The following OXNAD1 variants were observed in gnomAD, a reference collection of about 807,000 sequenced individuals.
OXNAD1 encodes oxidoreductase NAD binding domain containing 1.
In OXNAD1, 34 loss-of-function variants were observed where a neutral mutation model predicts 32.9. The ratio of observed to expected loss-of-function variants is 1.03; its 90% CI spans 0.79 to 1.38. The LOEUF (loss-of-function observed/expected upper bound fraction) is 1.38, where lower values mean the gene tolerates loss of function less well. Ranked by LOEUF, OXNAD1 falls within the 40% of genes most tolerant of loss-of-function variation. OXNAD1 has a pLI of 0.00. For synonymous variants in OXNAD1, 134 were observed against 135.2 expected, an observed-to-expected ratio of 0.99 and a Z score of 0.06; for missense variants, 407 against 379.4, an observed-to-expected ratio of 1.07 and a Z score of -0.60.
chr3:16,270,594 G>C (rs531276124), intron 2 of OXNAD1, among the ~76,000 whole-genome samples: 64 of 152,260 alleles, frequency 4.2e-4, no homozygotes, highest in African/African-American at 1.4e-3. Context: ...GTACTCTTCA[G>C]GTAGAATACA....
Position 16,312,499 on chromosome 3 carries a change from C to G in OXNAD1, c.*30+8907C>G, listed in dbSNP as rs1425372846. 6.6e-6 allele frequency among the ~76,000 whole-genome samples: 1 copy of G among 152,202 alleles called. No homozygotes were observed. The highest frequency in any genetic ancestry group is 1.5e-5 in the Non-Finnish European group (1 of 68,044). On this transcript the variant is annotated intron_variant, in intron 9 of 9. Transcript: ENST00000435829. This position sits in a 1 kb window ranked among gnomAD's most constrained non-coding sequence, Gnocchi z 4.7. ...TCCTCACCCTTCCCGTCTTGCCAGT[C>G]CTTTCAGGACTTGATCTTCAATCTT...
At position 16,303,891 on chromosome 3, in the gene OXNAD1, T is replaced by C. The variant is rs1269318716; in HGVS notation, c.*329T>C. 2 of 166,234 alleles carry C rather than the reference T, an allele frequency of 1.2e-5. No homozygotes were observed. The highest frequency in any genetic ancestry group is 2.4e-5 in the African/African-American group (1 of 41,984). 10.3% of individuals were successfully genotyped at this position (166,234 alleles called of 1,614,324 possible). ...AAAGATATATACTTATGTCTAATCA[T>C]AGGAAAATGTGATTTTTGAGTATAA... On this transcript the variant is annotated 3_prime_UTR_variant, in exon 9 of 9. Coordinates refer to ENST00000285083, the MANE Select transcript of OXNAD1 (RefSeq NM_138381.5). This position sits in a 1 kb window ranked among gnomAD's most constrained non-coding sequence, Gnocchi z 4.8.
chr3:16,285,758 AAATT>A (rs527746449), intron 4 of OXNAD1, among the ~76,000 whole-genome samples: 57 of 152,356 alleles, frequency 3.7e-4, no homozygotes, highest in Non-Finnish European at 7.3e-4. Context: ...ATGAATTTGA[AAATT>A]AATTAAAAAC....
At chr3:16,343,713 A>G (rs1166091462) in intron 9 of OXNAD1, among the ~76,000 whole-genome samples, 1 of 152,236 alleles carries the variant, frequency 6.6e-6, no homozygotes, top group Admixed American at 6.5e-5. Flanking sequence ...TATTCAATCA[A>G]TGTTTGTTAA....
rs571918797 is a variant in OXNAD1, at chr3:16,267,728, A to G, written c.-158-1398A>G. ...ATTATCTTGTTATTTGTTTACTACT[A>G]TCTGTCTCTGGAACTGTAATAAAAG... On this transcript the variant is annotated intron_variant, in intron 1 of 8. Coordinates refer to ENST00000285083, the MANE Select transcript of OXNAD1 (RefSeq NM_138381.5). 2.2e-4 allele frequency among the ~76,000 whole-genome samples: 33 copies of G among 152,270 alleles called. No individual in the cohort carries two copies. The South Asian group carries it at 6.2e-3, about 29-fold the overall frequency.
rs758493435 is a variant in OXNAD1, at chr3:16,345,829, T to TGTGTGTGTGTGC, written c.*31-3346_*31-3345insTGTGTGTGTGCG. Among the ~76,000 whole-genome samples, 20 of 69,874 alleles carry TGTGTGTGTGTGC rather than the reference T, an allele frequency of 2.9e-4. No homozygotes were observed. In the East Asian group the frequency reaches 3.6e-3, roughly 13 times the overall value. The allele number at this position is 69,874 out of a possible 152,430, so 45.8% of individuals were successfully genotyped here. A position where few individuals can be genotyped will look rare whatever the true frequency, so the allele number is the denominator to read the frequency against. On this transcript the variant is annotated intron_variant, in intron 9 of 9. Transcript: ENST00000606098. This position sits in a 1 kb window ranked among gnomAD's most constrained non-coding sequence, Gnocchi z 5.2. ...GTGTGTGTGTGTGTGCGCGCGCGCG[T>TGTGTGTGTGTGC]GCGCGCACGCGCACATGTGCATGTG...
intron 9 of OXNAD1, among the ~76,000 whole-genome samples, chr3:16,325,948 G>A (rs1001404363): frequency 1.3e-5 from 2 of 152,198 alleles, no homozygotes; most frequent in African/African-American, 4.8e-5. Context: ...GCAGAGAGAC[G>A]GCCTGCTCCA....
rs2071597120 is a variant in OXNAD1 at position 16,345,530 on chromosome 3, A to T, written c.*31-3646A>T. On this transcript the variant is annotated intron_variant, in intron 9 of 9. Transcript: ENST00000606098. This position sits in a 1 kb window ranked among gnomAD's most constrained non-coding sequence, Gnocchi z 5.2. ...GTGGGTGGACACCATCCAGTCATTG[A>T]GGACCTGAACAGAACAAAGGGTGGA... 6.6e-6 allele frequency among the ~76,000 whole-genome samples: 1 copy of T among 152,120 alleles called. No individual in the cohort carries two copies. Among genetic ancestry groups the T allele is most frequent in the African/African-American group, 2.4e-5 (1 of 41,398 alleles).
At chr3:16,342,173 C>T (rs567623182), downstream of OXNAD1, among the ~76,000 whole-genome samples, 2 of 152,198 alleles carry the variant, frequency 1.3e-5, no homozygotes, top group South Asian at 4.2e-4. The surrounding 1 kb of genome is among the most constrained non-coding windows in gnomAD (Gnocchi z 4.0). Flanking sequence ...CACACCAATA[C>T]CCTGTACCTA....
In OXNAD1 at chr3:16,298,482, A is replaced by G. The variant is rs1559762767; in HGVS notation, c.433-3144A>G. Among the ~76,000 whole-genome samples, 1 of 152,200 alleles carries G rather than the reference A, an allele frequency of 6.6e-6. No individual in the cohort carries two copies. The highest frequency in any genetic ancestry group is 1.5e-5 in the Non-Finnish European group (1 of 68,040). ...TCTCAAAGTGTTATTGCCTGAATGC[A>G]CATCCTAATTGTAGTGCCTGCTCTA... On this transcript the variant is annotated intron_variant, in intron 6 of 8. Transcript: ENST00000285083. This position sits in a 1 kb window ranked among gnomAD's most constrained non-coding sequence, Gnocchi z 5.1.
chr3:16,313,885 C>T (rs181548568), intron 9 of OXNAD1, among the ~76,000 whole-genome samples: 31 of 152,326 alleles, frequency 2.0e-4, no homozygotes, highest in African/African-American at 7.0e-4. Context: ...GAGCAATGCA[C>T]CTGCCTTTCT....
chr3:16,268,231 A>G (rs1283384593), intron 1 of OXNAD1, among the ~76,000 whole-genome samples: 5 of 151,402 alleles, frequency 3.3e-5, no homozygotes, highest in Non-Finnish European at 7.4e-5. Flanking sequence ...TTTTATAAAA[A>G]TGTCCTTTAT....
intron 1 of OXNAD1, among the ~76,000 whole-genome samples, chr3:16,266,649 T>C (rs910307380): frequency 2.0e-5 from 3 of 147,068 alleles, no homozygotes; most frequent in Admixed American, 2.0e-4. Flanking sequence ...AATTGTATAA[T>C]GCAAACTATA....
At chr3:16,274,380 G>A (rs1226642274) in intron 4 of OXNAD1, among the ~76,000 whole-genome samples, 2 of 152,042 alleles carry the variant, frequency 1.3e-5, no homozygotes, top group South Asian at 2.1e-4. Flanking sequence ...CTGAGAACTC[G>A]GCTAAGGGGC....
chr3:16,284,826 A>T lies in OXNAD1; in HGVS notation c.184-1516A>T, dbSNP rs1343588941. ...GCCAGGACTAAATACCAGGCAGTCC[A>T]GCTGCAGAGCCCATGCTGTTAACAG... On this transcript the variant is annotated intron_variant, in intron 4 of 8. Coordinates refer to ENST00000285083, the MANE Select transcript of OXNAD1 (RefSeq NM_138381.5). The surrounding 1 kb of genome is among the most constrained non-coding windows in gnomAD (Gnocchi z 4.1). 6.6e-6 allele frequency among the ~76,000 whole-genome samples: 1 copy of T among 152,272 alleles called. No homozygotes were observed. The highest frequency in any genetic ancestry group is 2.4e-5 in the African/African-American group (1 of 41,484).
At position 16,344,289 on chromosome 3, in the gene OXNAD1, C is replaced by T. The variant is rs2071496262; in HGVS notation, c.*31-4887C>T. On this transcript the variant is annotated intron_variant, in intron 9 of 9. Transcript: ENST00000606098. The surrounding 1 kb of genome is among the most constrained non-coding windows in gnomAD (Gnocchi z 4.4). ...AAGGGGTTTAAGAAGTCAGGGAAAC[C>T]TACTCAAAAAAGAAAGTGGATTAGA... Among the ~76,000 whole-genome samples the T allele has an allele frequency of 1.3e-5, 2 of 150,978 alleles. No individual in the cohort carries two copies. The highest frequency in any genetic ancestry group is 4.2e-4 in the South Asian group (2 of 4,782).
intron 2 of OXNAD1, among the ~76,000 whole-genome samples, chr3:16,269,937 A>G (rs1033238704): frequency 6.6e-6 from 1 of 152,246 alleles, no homozygotes; most frequent in African/African-American, 2.4e-5. Flanking sequence ...AAAAATTGAC[A>G]TAGGAAAATG....
rs1025838951 is a variant in OXNAD1 at position 16,305,479 on chromosome 3, A to G, written c.*1917A>G. On this transcript the variant is annotated 3_prime_UTR_variant, in exon 9 of 9. Transcript: ENST00000285083. This position sits in a 1 kb window ranked among gnomAD's most constrained non-coding sequence, Gnocchi z 4.5. ...GTCATCACCTTTGCCTGGAGTGTTCATCCTTTCAGTGCCATTATTCTGGTG... is the reference window on the plus strand; with the variant it reads ...GTCATCACCTTTGCCTGGAGTGTTCGTCCTTTCAGTGCCATTATTCTGGTG... 1 of 152,264 alleles carries G rather than the reference A, an allele frequency of 6.6e-6. No individual in the cohort carries two copies. The highest frequency in any genetic ancestry group is 1.5e-5 in the Non-Finnish European group (1 of 68,078). 9.4% of individuals were successfully genotyped at this position (152,264 alleles called of 1,614,324 possible). A position where few individuals can be genotyped will look rare whatever the true frequency, so the allele number is the denominator to read the frequency against.
chr3:16,268,202 G>A (rs973597009), intron 1 of OXNAD1, among the ~76,000 whole-genome samples: 9 of 151,470 alleles, frequency 5.9e-5, no homozygotes, highest in Non-Finnish European at 1.3e-4. Flanking sequence ...TAAAGCTTTG[G>A]AAAGCACTTT....
Sources: gnomAD v4.1 joint callset for allele counts (sites outside exome capture counted in the v4.1 genomes callset) on GRCh38, gnomAD v4.1.1 for gene constraint, Gnocchi (gnomAD v3.1) non-coding constraint, MANE v1.5 for transcripts, NCBI Gene and HGNC (gene_info 2026-07-23, HGNC 2026-07-21) for gene names.